Variants in ZDHHC20 observed in about 807,000 individuals in gnomAD.
ZDHHC20 encodes the protein palmitoyltransferase ZDHHC20.
ZDHHC20 carries 43 observed loss-of-function variants against 57.8 expected under a neutral mutation model. The ratio of observed to expected loss-of-function variants is 0.74; its 90% CI spans 0.58 to 0.96. ZDHHC20 has a LOEUF of 0.96. ZDHHC20 is among the 40% of genes least tolerant of loss of function. The pLI is 0.00. For missense variants in ZDHHC20, 391 were observed against 441.1 expected, an observed-to-expected ratio of 0.89 and a Z score of 1.02; for synonymous variants, 157 against 153.0, an observed-to-expected ratio of 1.03 and a Z score of -0.19.
Position 21,380,810 on chromosome 13 carries a change from C to T in ZDHHC20, c.1060+624G>A, listed in dbSNP as rs565530231. ...CATCTCAAAAAAAAAAAAAGAATAA[C>T]GTTGCTTATTCAGAACAGCCAATGC... is the stretch of plus-strand genomic sequence containing the variant. On this transcript the variant is annotated intron_variant, in intron 11 of 12. Transcript: ENST00000400590. Among the ~76,000 whole-genome samples, 1,057 of 151,000 alleles carry T rather than the reference C, an allele frequency of 7.0e-3. 16 individuals carry two copies. Among genetic ancestry groups the T allele is most frequent in the African/African-American group, 0.024 (972 of 41,170 alleles).
chr13:21,393,524 G>T (rs1363316767), intron 7 of ZDHHC20, among the ~76,000 whole-genome samples: 1 of 148,300 alleles, frequency 6.7e-6, no homozygotes, highest in Non-Finnish European at 1.5e-5. Flanking sequence ...GGCCAACATG[G>T]TGAAACCCCG....
Position 21,444,069 on chromosome 13 carries a change from T to C in ZDHHC20, c.118+14985A>G, listed in dbSNP as rs996912967. ...TACTTGGGAGGCTGAGGCAGGAGAA[T>C]TGCTTGAACCCGGGAGGTGGGGGTT... On this transcript the variant is annotated intron_variant, in intron 1 of 12. Coordinates refer to ENST00000400590, the MANE Select transcript of ZDHHC20 (RefSeq NM_001330059.2). Among the ~76,000 whole-genome samples the C allele has an allele frequency of 1.2e-4, 18 of 152,070 alleles. No homozygotes were observed. The East Asian group carries it at 2.1e-3, about 18-fold the overall frequency.
At chr13:21,403,177 A>G (rs995460939) in intron 4 of ZDHHC20, among the ~76,000 whole-genome samples, 3 of 152,184 alleles carry the variant, frequency 2.0e-5, no homozygotes, top group African/African-American at 7.2e-5. Flanking sequence ...CTCAAGATTT[A>G]GTAAGTCCCA....
In ZDHHC20 at chr13:21,459,089, C is replaced by T; in HGVS notation, c.83G>A (p.Trp28Ter). The T allele has an allele frequency of 4.4e-6, 7 of 1,606,772 alleles. No homozygotes were observed. The highest frequency in any genetic ancestry group is 5.1e-6 in the Non-Finnish European group (6 of 1,177,284). The change falls in exon 1 of 13, where the codon TGG (tryptophan) becomes TAG (stop). Residue 28 changes from tryptophan (W) to a stop codon, truncating the protein, a stop_gained. Transcript: ENST00000400590. LOFTEE classifies it high-confidence loss of function. ...PVLFITFVVV[W>*]SYYAYVVELC... The stretch of plus-strand genomic sequence containing the variant: ...CTCCACCACGTACGCGTAGTAGGAC[C>T]AGACGACCACGAAGGTGATGAAGAG...
At chr13:21,447,302 G>GTCTCCCTCTCCC in intron 1 of ZDHHC20, among the ~76,000 whole-genome samples, 1 of 145,548 alleles carries the variant, frequency 6.9e-6, no homozygotes, top group African/African-American at 2.5e-5. Flanking sequence ...CTCCCTCTCC[G>GTCTCCCTCTCCC]TCTCCCTCTC....
In ZDHHC20 at chr13:21,459,103, G is replaced by C; in HGVS notation, c.69C>G (p.Thr23=). Residue 23 remains threonine, a synonymous_variant, in exon 1 of 13, where the codon ACC becomes ACG. Coordinates refer to ENST00000400590, the MANE Select transcript of ZDHHC20 (RefSeq NM_001330059.2). The part of the protein sequence containing the change: ...VVGWVPVLFI[T]FVVVWSYYAY... Reference sequence around the variant, plus strand: ...CGTAGTAGGACCAGACGACCACGAAGGTGATGAAGAGCACCGGCACCCAGC... The same window carrying C: ...CGTAGTAGGACCAGACGACCACGAACGTGATGAAGAGCACCGGCACCCAGC... The C allele has an allele frequency of 6.2e-7, 1 of 1,607,248 alleles. No individual in the cohort carries two copies. The highest frequency in any genetic ancestry group is 8.5e-7 in the Non-Finnish European group (1 of 1,177,456).
intron 2 of ZDHHC20, among the ~76,000 whole-genome samples, chr13:21,423,052 A>G (rs1368470795): frequency 6.6e-6 from 1 of 152,208 alleles, no homozygotes; most frequent in African/African-American, 2.4e-5. Flanking sequence ...ACTTTGCCCA[A>G]CGTCACTTAG....
intron 1 of ZDHHC20, 109 bp downstream of exon 1, chr13:21,458,945 C>T (rs1201011417): frequency 1.3e-6 from 1 of 784,448 alleles, no homozygotes; most frequent in Non-Finnish European, 1.9e-6. Context: ...GCCGGACGCC[C>T]GGCGTCCGGC....
chr13:21,453,984 C>T (rs1278660636), intron 1 of ZDHHC20, among the ~76,000 whole-genome samples: 2 of 152,084 alleles, frequency 1.3e-5, no homozygotes, highest in African/African-American at 2.4e-5. Context: ...GTAGGCTGGA[C>T]TTCAGACACA....
chr13:21,432,604 T>A (rs1882100226), intron 1 of ZDHHC20, among the ~76,000 whole-genome samples: 1 of 152,144 alleles, frequency 6.6e-6, no homozygotes, highest in African/African-American at 2.4e-5. Context: ...AGTGCTGGGA[T>A]TACAGGCATG....
At chr13:21,415,985 G>A (rs1340289234) in intron 3 of ZDHHC20, among the ~76,000 whole-genome samples, 2 of 151,790 alleles carry the variant, frequency 1.3e-5, no homozygotes, top group Admixed American at 6.6e-5. Context: ...GGTGGATCAC[G>A]AGGTCAGGAA....
At chr13:21,379,680 A>G (rs1376480568) in intron 11 of ZDHHC20, among the ~76,000 whole-genome samples, 1 of 152,210 alleles carries the variant, frequency 6.6e-6, no homozygotes, top group Non-Finnish European at 1.5e-5. Context: ...TTAAGTAGCC[A>G]GACAATATTT....
chr13:21,440,777 T>A (rs1883068423), intron 1 of ZDHHC20, among the ~76,000 whole-genome samples: 3 of 152,180 alleles, frequency 2.0e-5, no homozygotes, highest in Admixed American at 1.3e-4. Context: ...CCTCTGTAAT[T>A]TGATGTGCTA....
chr13:21,392,640 T>C (rs1462319341), intron 7 of ZDHHC20, among the ~76,000 whole-genome samples: 1 of 152,216 alleles, frequency 6.6e-6, no homozygotes, highest in East Asian at 1.9e-4. Flanking sequence ...TAGAAGAAAT[T>C]AGTACCTTTA....
At position 21,421,074 on chromosome 13, in the gene ZDHHC20, G is replaced by A. The variant is rs1268046180; in HGVS notation, c.236C>T (p.Ser79Phe). 1.2e-6 allele frequency: 2 copies of A among 1,612,144 alleles called. No individual in the cohort carries two copies. Among genetic ancestry groups the A allele is most frequent in the Admixed American group, 1.7e-5 (1 of 59,976 alleles). The change falls in exon 3 of 13, where the codon TCC becomes TTC. Residue 79 changes from serine (S) to phenylalanine (F), a missense_variant. By Grantham distance (155) the Ser-to-Phe change is radical (BLOSUM62 -2). Around this residue, in one of 3 missense-constraint regions of ZDHHC20, gnomAD observed 185 missense variants for 188.0 expected, o/e 0.98. Transcript: ENST00000400590. ...CATTAAATTTACCTCTTTGGAGGGG[G>A]AAGCGGGAGATGTGAAAATTGTCAT... ...YWMTIFTSPA[S>F]PSKEFYLSNS... is the part of the protein sequence containing the mutation.
intron 1 of ZDHHC20, among the ~76,000 whole-genome samples, chr13:21,451,347 T>C (rs1373735964): frequency 6.6e-6 from 1 of 152,204 alleles, no homozygotes; most frequent in Non-Finnish European, 1.5e-5. Flanking sequence ...TACAAGAGTA[T>C]GATTCAATTC....
At chr13:21,432,507 G>GT (rs200749285) in intron 1 of ZDHHC20, among the ~76,000 whole-genome samples, 1,751 of 152,020 alleles carry the variant, frequency 0.012, 14 homozygotes, top group Non-Finnish European at 0.018. Context: ...TTTTTTTTGT[G>GT]TTTTTTAGTA....
At chr13:21,440,965 T>A (rs958972333) in intron 1 of ZDHHC20, among the ~76,000 whole-genome samples, 1 of 152,176 alleles carries the variant, frequency 6.6e-6, no homozygotes, top group African/African-American at 2.4e-5. Context: ...AGTAGAAAGT[T>A]CCTCATATAC....
At chr13:21,447,104 C>G (rs966092502) in intron 1 of ZDHHC20, among the ~76,000 whole-genome samples, 4 of 151,808 alleles carry the variant, frequency 2.6e-5, no homozygotes, top group Admixed American at 1.3e-4. Flanking sequence ...CAGGAAGAGA[C>G]AGGTTTACAA....
Sources: allele counts gnomAD v4.1 joint callset (sites outside exome capture counted in the v4.1 genomes callset), GRCh38; gene constraint gnomAD v4.1.1; regional missense constraint gnomAD v4.1.1; transcripts MANE v1.5; gene names NCBI Gene and HGNC (gene_info 2026-07-23, HGNC 2026-07-21).